The following SCFD2 variants were observed in gnomAD, a reference collection of about 807,000 sequenced individuals.
SCFD2 encodes the protein sec1 family domain containing 2.
A neutral mutation model predicts 58.9 loss-of-function variants in SCFD2; 54 were observed. The observed-to-expected ratio is 0.92, with a 90% CI of 0.74 to 1.15. The LOEUF (loss-of-function observed/expected upper bound fraction) is 1.15, where lower values mean the gene tolerates loss of function less well. Ranked by LOEUF, SCFD2 falls within the 50% of genes most tolerant of loss-of-function variation. SCFD2 has a pLI of 0.00. For missense variants in SCFD2, 805 were observed against 836.6 expected (o/e 0.96, Z 0.47); for synonymous variants, 321 against 335.9 (o/e 0.96, Z 0.49).
chr4:52,924,985 T>C (rs1719829453), intron 5 of SCFD2, among the ~76,000 whole-genome samples: 1 of 152,308 alleles, frequency 6.6e-6, no homozygotes, highest in African/African-American at 2.4e-5. Context: ...AATAGTAGTA[T>C]ATAAGCGCCA....
chr4:53,039,720 T>A (rs4864713), intron 5 of SCFD2, among the ~76,000 whole-genome samples: 33,025 of 152,090 alleles, frequency 0.22, 6,044 homozygotes, highest in African/African-American at 0.51. Flanking sequence ...TACATTATCT[T>A]TTTTCATCAT....
intron 4 of SCFD2, among the ~76,000 whole-genome samples, chr4:53,192,997 T>A (rs924830229): frequency 1.3e-5 from 2 of 152,092 alleles, no homozygotes; most frequent in African/African-American, 2.4e-5. Context: ...TATAAAAATA[T>A]ACAAATTAAA....
At chr4:53,253,147 A>G (rs922297816) in intron 4 of SCFD2, among the ~76,000 whole-genome samples, 4 of 152,372 alleles carry the variant, frequency 2.6e-5, no homozygotes, top group Admixed American at 1.3e-4. Flanking sequence ...AATGCTCATC[A>G]TCACTGGCCA....
intron 5 of SCFD2, among the ~76,000 whole-genome samples, chr4:52,951,500 T>C (rs925981955): frequency 3.9e-5 from 6 of 152,180 alleles, no homozygotes; most frequent in Non-Finnish European, 8.8e-5. Flanking sequence ...TAACTTACGA[T>C]TGGAAAGCTG....
At chr4:52,952,203 C>T (rs1049935295) in intron 5 of SCFD2, among the ~76,000 whole-genome samples, 6 of 150,402 alleles carry the variant, frequency 4.0e-5, no homozygotes, top group Non-Finnish European at 7.4e-5. Flanking sequence ...AAAGCCACTC[C>T]CTACCATATC....
chr4:53,311,818 T>C (rs1328715686), intron 3 of SCFD2, among the ~76,000 whole-genome samples: 1 of 152,030 alleles, frequency 6.6e-6, no homozygotes. Flanking sequence ...GTATTTTTAG[T>C]AGAGACAGGG....
intron 5 of SCFD2, among the ~76,000 whole-genome samples, chr4:53,104,509 A>G (rs1363494347): frequency 6.6e-6 from 1 of 152,216 alleles, no homozygotes; most frequent in Non-Finnish European, 1.5e-5. Flanking sequence ...GAATCCTAGA[A>G]CAGAATAAGG....
chr4:53,339,441 A>G (rs112383572), intron 2 of SCFD2, among the ~76,000 whole-genome samples: 5 of 151,910 alleles, frequency 3.3e-5, no homozygotes, highest in African/African-American at 1.2e-4. Flanking sequence ...ATCTAGTGTA[A>G]CTACTGAAAA....
At position 53,183,216 on chromosome 4, in the gene SCFD2, G is replaced by A. The variant is rs1429600110; in HGVS notation, c.1312-37634C>T. Among the ~76,000 whole-genome samples the A allele has an allele frequency of 4.6e-5, 7 of 152,134 alleles. No homozygotes were observed. The East Asian group carries it at 9.7e-4, about 21-fold the overall frequency. On this transcript the variant is annotated intron_variant, in intron 4 of 8. Coordinates refer to ENST00000401642, the MANE Select transcript of SCFD2 (RefSeq NM_152540.4). ...ACACACGCACACGTATGTTTATATC[G>A]GCACTATTCACAATAGGAAAGACTT... is the stretch of plus-strand genomic sequence containing the variant.
intron 4 of SCFD2, among the ~76,000 whole-genome samples, chr4:53,262,702 C>T (rs1247570369): frequency 5.9e-5 from 9 of 152,170 alleles, no homozygotes; most frequent in Non-Finnish European, 1.3e-4. Context: ...TTTGTCTTGA[C>T]TTTAGATAGC....
At chr4:53,195,204 T>C (rs906317708) in intron 4 of SCFD2, among the ~76,000 whole-genome samples, 1 of 152,140 alleles carries the variant, frequency 6.6e-6, no homozygotes, top group Non-Finnish European at 1.5e-5. Flanking sequence ...TTAAAAATAA[T>C]GGTATATGTA....
intron 4 of SCFD2, among the ~76,000 whole-genome samples, chr4:53,268,693 G>A (rs978319959): frequency 6.6e-6 from 1 of 152,122 alleles, no homozygotes; most frequent in African/African-American, 2.4e-5. Context: ...GCAGAGGCAG[G>A]GGCAGCACAG....
chr4:52,920,784 C>A lies in SCFD2; in HGVS notation c.1648G>T (p.Ala550Ser), dbSNP rs1486265028. Residue 550 changes from alanine (A) to serine (S), a missense_variant, in exon 6 of 9, where the codon GCT becomes TCT. Transcript: ENST00000401642. ...LFTSLRDIAG[A>S]RSLLKQFKSV... ...TTAAACTGTTTCAGGAGACTCCGAG[C>A]TCCAGCAATATCCCGAAGTGAAGTA... is the stretch of plus-strand genomic sequence containing the variant. The A allele has an allele frequency of 6.2e-7, 1 of 1,611,250 alleles. No individual in the cohort carries two copies. Among genetic ancestry groups the A allele is most frequent in the Admixed American group, 1.7e-5 (1 of 59,886 alleles).
chr4:52,947,875 A>C (rs1720476821), intron 5 of SCFD2, among the ~76,000 whole-genome samples: 1 of 151,946 alleles, frequency 6.6e-6, no homozygotes, highest in Admixed American at 6.6e-5. Flanking sequence ...AGGTATTTGT[A>C]ACATAAAACC....
intron 4 of SCFD2, among the ~76,000 whole-genome samples, chr4:53,226,567 T>G (rs1403739769): frequency 6.6e-6 from 1 of 152,066 alleles, no homozygotes; most frequent in African/African-American, 2.4e-5. Context: ...GTTCATAAAA[T>G]AAATTGAGAG....
chr4:53,127,578 C>A (rs1725664116), intron 5 of SCFD2, among the ~76,000 whole-genome samples: 1 of 152,154 alleles, frequency 6.6e-6, no homozygotes, highest in Non-Finnish European at 1.5e-5. Context: ...AGGCATTGAG[C>A]TGGTCTGGAG....
chr4:53,253,656 A>G (rs1314572592), intron 4 of SCFD2, among the ~76,000 whole-genome samples: 2 of 148,154 alleles, frequency 1.3e-5, no homozygotes, highest in African/African-American at 5.0e-5. Context: ...ACCAAACACC[A>G]CATGTTTTCA....
At chr4:53,023,989 A>G (rs994860444) in intron 5 of SCFD2, among the ~76,000 whole-genome samples, 9 of 152,168 alleles carry the variant, frequency 5.9e-5, no homozygotes, top group African/African-American at 2.2e-4. Context: ...AGAGTTCTAG[A>G]GACACTGTAA....
At chr4:53,355,042 T>G (rs1455884594) in intron 1 of SCFD2, among the ~76,000 whole-genome samples, 1 of 152,166 alleles carries the variant, frequency 6.6e-6, no homozygotes, top group African/African-American at 2.4e-5. Context: ...AAATACCAAT[T>G]CTGTATGATC....
Sources: gnomAD v4.1 joint callset for allele counts (sites outside exome capture counted in the v4.1 genomes callset) on GRCh38, gnomAD v4.1.1 for gene constraint, MANE v1.5 for transcripts, NCBI Gene and HGNC (gene_info 2026-07-23, HGNC 2026-07-21) for gene names.